Variants in LAT observed in about 807,000 individuals in gnomAD.
LAT encodes the protein linker for activation of T cells.
Under a neutral mutation model 39.1 loss-of-function variants are expected in LAT, and 12 were observed. That is an observed-to-expected ratio of 0.31 (90% CI 0.20 to 0.50). The LOEUF is 0.50. Ranked by LOEUF, LAT falls within the 20% of genes least tolerant of loss-of-function variation. The pLI, the probability that LAT is intolerant of heterozygous loss-of-function variation, is 0.98. For synonymous variants in LAT, 117 were observed against 123.8 expected (o/e 0.95, Z 0.36); for missense variants, 253 against 308.0 (o/e 0.82, Z 1.34).
chr16:28,985,289 C>T lies in LAT; in HGVS notation c.-129C>T, dbSNP rs1479018157. ...GCACAGCTGCCTCCTCCCGGGCTCC[C>T]CTGCCACCTGGTGCCTACCTGCCCC... is the stretch of plus-strand genomic sequence containing the variant. On this transcript the variant is annotated 5_prime_UTR_variant, in exon 1 of 12. Coordinates refer to ENST00000395456, the MANE Select transcript of LAT (RefSeq NM_001014987.2). The surrounding 1 kb of genome is among the most constrained non-coding windows in gnomAD (Gnocchi z 4.6). The T allele has an allele frequency of 2.0e-6, 3 of 1,481,118 alleles. No individual in the cohort carries two copies. The African/African-American group carries it at 4.2e-5, about 21-fold the overall frequency. 91.7% of individuals were successfully genotyped at this position (1,481,118 alleles called of 1,614,324 possible).
At position 28,985,833 on chromosome 16, in the gene LAT, A is replaced by G; in HGVS notation, c.129-21A>G. On this transcript the variant is annotated intron_variant, in intron 2 of 11. Transcript: ENST00000395456. This position sits in a 1 kb window ranked among gnomAD's most constrained non-coding sequence, Gnocchi z 4.6. ...TCCTCCATCTTCCAGCCCCATCCCC[A>G]AGCTGTGTCTCCTTTACCAGTTTGT... 1.9e-6 allele frequency: 3 copies of G among 1,613,974 alleles called. No homozygotes were observed. Among genetic ancestry groups the G allele is most frequent in the Non-Finnish European group, 2.5e-6 (3 of 1,179,936 alleles).
Position 28,985,450 on chromosome 16 carries a change from G to A in LAT, c.33G>A (p.Leu11=). Residue 11 remains leucine, a synonymous_variant, in exon 1 of 12, where the codon CTG becomes CTA. Transcript: ENST00000395456. The surrounding 1 kb of genome is among the most constrained non-coding windows in gnomAD (Gnocchi z 4.6). The part of the protein sequence containing the change: MEEAILVPCV[L]GLLLLPILAM... ...AGGCCATCCTGGTCCCCTGCGTGCT[G>A]GGGCTCCTGCTGCTGCCCATCCTGG... The A allele has an allele frequency of 6.2e-7, 1 of 1,613,806 alleles. No homozygotes were observed. The highest frequency in any genetic ancestry group is 8.5e-7 in the Non-Finnish European group (1 of 1,179,944).
chr16:28,989,997 G>T lies in LAT; in HGVS notation c.687G>T (p.Leu229=), dbSNP rs1441479985. The change falls in exon 11 of 12, where the codon CTG becomes CTT. Residue 229 remains leucine (L), a synonymous_variant. Transcript: ENST00000395456. ...EEEGAPDYEN[L]QELN Reference sequence around the variant, plus strand: ...AGGGGGCTCCAGATTACGAGAATCTGCAGGAGCTGAACTGAGGGCCTGGTG... The same window carrying T: ...AGGGGGCTCCAGATTACGAGAATCTTCAGGAGCTGAACTGAGGGCCTGGTG... 2 of 1,613,578 alleles carry T rather than the reference G, an allele frequency of 1.2e-6. No individual in the cohort carries two copies. The highest frequency in any genetic ancestry group is 1.7e-6 in the Non-Finnish European group (2 of 1,179,860).
At chr16:28,990,159 C>G in intron 11 of LAT, 30 bp from the exon 12 acceptor site, 2 of 740,932 alleles carry the variant, frequency 2.7e-6, no homozygotes, top group African/African-American at 1.7e-5. Flanking sequence ...CCTCCTGATC[C>G]GTATCCCTCC....
chr16:28,985,949 T>G lies in LAT; in HGVS notation c.163+61T>G, dbSNP rs41280846. On this transcript the variant is annotated intron_variant, in intron 3 of 11. Transcript: ENST00000395456. This position sits in a 1 kb window ranked among gnomAD's most constrained non-coding sequence, Gnocchi z 4.6. ...GGGAGAGGGTCCCCTGGTGTGGGAG[T>G]GAGCGTGAACCTTCAGACTTCCCCT... The G allele has an allele frequency of 5.1e-6, 8 of 1,580,438 alleles. No homozygotes were observed. Among genetic ancestry groups the G allele is most frequent in the Non-Finnish European group, 7.0e-6 (8 of 1,149,872 alleles).
intron 8 of LAT, among the ~76,000 whole-genome samples, chr16:28,987,318 A>G (rs1370407997): frequency 6.6e-6 from 1 of 152,006 alleles, no homozygotes; most frequent in African/African-American, 2.4e-5. Flanking sequence ...CTTCCACTGC[A>G]ATTTTATTTC....
In LAT at chr16:28,989,761, T is replaced by G; in HGVS notation, c.557-13T>G. 6.2e-7 allele frequency: 1 copy of G among 1,614,036 alleles called. No individual in the cohort carries two copies. The highest frequency in any genetic ancestry group is 8.5e-7 in the Non-Finnish European group (1 of 1,180,000). ...TTTGCGTGGCTGCCCCTCCTTCTGA[T>G]CTGTCCCCACAGATGGCAGCCGGGA... On this transcript the variant is annotated splice_polypyrimidine_tract_variant and intron_variant, in intron 9 of 11. Coordinates refer to ENST00000395456, the MANE Select transcript of LAT (RefSeq NM_001014987.2).
Position 28,986,255 on chromosome 16 carries a change from C to T in LAT, c.245+39C>T. 6.5e-7 allele frequency: 1 copy of T among 1,546,698 alleles called. No homozygotes were observed. ...CAGCCCCTGCCCCTCCAAAGCTCAGCCCCTCCCCCTCCAAACTCCACTCTC... is the reference window on the plus strand; with the variant it reads ...CAGCCCCTGCCCCTCCAAAGCTCAGTCCCTCCCCCTCCAAACTCCACTCTC... On this transcript the variant is annotated intron_variant, in intron 4 of 11. Transcript: ENST00000395456. The surrounding 1 kb of genome is among the most constrained non-coding windows in gnomAD (Gnocchi z 5.7).
In LAT at chr16:28,989,780, G is replaced by GC; in HGVS notation, c.565dup (p.Arg189ProfsTer16). The GC allele has an allele frequency of 1.2e-6, 2 of 1,614,124 alleles. No individual in the cohort carries two copies. The highest frequency in any genetic ancestry group is 1.7e-6 in the Non-Finnish European group (2 of 1,180,028). ...TTCTGATCTGTCCCCACAGATGGCAGCCGGGAGTATGTGAATGTGTCCCAG... is the reference window on the plus strand; with the variant it reads ...TTCTGATCTGTCCCCACAGATGGCAGCCCGGGAGTATGTGAATGTGTCCCAG... On this transcript the variant is annotated frameshift_variant, in exon 10 of 12. Transcript: ENST00000395456. LOFTEE classifies it high-confidence loss of function.
At position 28,986,756 on chromosome 16, in the gene LAT, G is replaced by T; in HGVS notation, c.398+42G>T. On this transcript the variant is annotated intron_variant, in intron 7 of 11. Transcript: ENST00000395456. The surrounding 1 kb of genome is among the most constrained non-coding windows in gnomAD (Gnocchi z 5.7). Reference sequence around the variant, plus strand: ...GAGGTGGGAGGTGAGGGCTGAGGCTGTGCGTCCCCCCTTGCTCACCGGCCC... The same window carrying T: ...GAGGTGGGAGGTGAGGGCTGAGGCTTTGCGTCCCCCCTTGCTCACCGGCCC... 1 of 1,609,438 alleles carries T rather than the reference G, an allele frequency of 6.2e-7. No individual in the cohort carries two copies. Among genetic ancestry groups the T allele is most frequent in the Non-Finnish European group, 8.5e-7 (1 of 1,176,954 alleles).
chr16:28,990,085 C>A, intron 11 of LAT, 66 bp downstream of exon 11: 1 of 1,369,214 alleles, frequency 7.3e-7, no homozygotes, highest in Non-Finnish European at 1.0e-6. Flanking sequence ...CCTCCAGGAC[C>A]CCCTTGCCCA....
chr16:28,984,922 C>G (rs1313154813), upstream of LAT: 1 of 1,544,692 alleles, frequency 6.5e-7, no homozygotes, highest in Non-Finnish European at 8.7e-7. Context: ...GGCCAGCAGA[C>G]CCTTGGTGAG....
chr16:28,987,757 C>G (rs1965790834), intron 8 of LAT: 1 of 152,034 alleles, frequency 6.6e-6, no homozygotes, highest in African/African-American at 2.4e-5. Context: ...CTCTGCTGGG[C>G]TAATGCTGTG....
Position 28,985,646 on chromosome 16 carries a change from C to A in LAT, c.101-67C>A. ...CCTGATCCCAGCGCCTCTGAGAGTC[C>A]CTGGATCCCAGCACCTTCTGCCCTA... On this transcript the variant is annotated intron_variant, in intron 1 of 11. Coordinates refer to ENST00000395456, the MANE Select transcript of LAT (RefSeq NM_001014987.2). The surrounding 1 kb of genome is among the most constrained non-coding windows in gnomAD (Gnocchi z 4.6). 1 of 1,607,302 alleles carries A rather than the reference C, an allele frequency of 6.2e-7. No individual in the cohort carries two copies. The highest frequency in any genetic ancestry group is 8.5e-7 in the Non-Finnish European group (1 of 1,174,356).
In LAT at chr16:28,986,888, T is replaced by C; in HGVS notation, c.488T>C (p.Phe163Ser). ...LSTPGIRDSAFSMESIDDYVN... is the reference protein window; with the variant it reads ...LSTPGIRDSASSMESIDDYVN... ...ACCCCTGGCATCCGAGACAGTGCCTTCTCCAGTGAGTCAGGCATTTGTTTT... is the reference window on the plus strand; with the variant it reads ...ACCCCTGGCATCCGAGACAGTGCCTCCTCCAGTGAGTCAGGCATTTGTTTT... The change falls in exon 8 of 12, where the codon TTC (phenylalanine) becomes TCC (serine). Residue 163 changes from phenylalanine to serine, a missense_variant. Physicochemically the swap from Phe to Ser is radical, Grantham distance 155. Coordinates refer to ENST00000395456, the MANE Select transcript of LAT (RefSeq NM_001014987.2). The surrounding 1 kb of genome is among the most constrained non-coding windows in gnomAD (Gnocchi z 5.7). The C allele has an allele frequency of 1.2e-6, 2 of 1,613,432 alleles. No individual in the cohort carries two copies. The highest frequency in any genetic ancestry group is 1.7e-6 in the Non-Finnish European group (2 of 1,179,492).
rs774472206 is a variant in LAT at position 28,986,478 on chromosome 16, G to A, written c.310+32G>A. On this transcript the variant is annotated intron_variant, in intron 5 of 11. Transcript: ENST00000395456. The surrounding 1 kb of genome is among the most constrained non-coding windows in gnomAD (Gnocchi z 5.7). ...GTGGGGAAGGGTTCAGGCGGCGGGG[G>A]CTGGGAAGAAGATAGGCCTGGCCTG... 1.2e-6 allele frequency: 2 copies of A among 1,613,578 alleles called. No homozygotes were observed. The highest frequency in any genetic ancestry group is 2.2e-5 in the South Asian group (2 of 91,060).
In LAT at chr16:28,986,166, A is replaced by G. The variant is rs772496335; in HGVS notation, c.195A>G (p.Pro65=). The change falls in exon 4 of 12, where the codon CCA becomes CCG. Residue 65 remains proline, a synonymous_variant. Coordinates refer to ENST00000395456, the MANE Select transcript of LAT (RefSeq NM_001014987.2). The surrounding 1 kb of genome is among the most constrained non-coding windows in gnomAD (Gnocchi z 5.7). Reference sequence around the variant, plus strand: ...TTGCCCCCTGGCCACCTGCCTACCCACCTGTCACCTCCTACCCACCCCTGA... The same window carrying G: ...TTGCCCCCTGGCCACCTGCCTACCCGCCTGTCACCTCCTACCCACCCCTGA... ...HTVAPWPPAY[P]PVTSYPPLSQ... is the part of the protein sequence containing the mutation. The G allele has an allele frequency of 2.5e-6, 4 of 1,603,490 alleles. No individual in the cohort carries two copies. The East Asian group carries it at 6.7e-5, about 27-fold the overall frequency.
At chr16:28,984,914 C>G (rs763885383), upstream of LAT, 9 of 1,545,438 alleles carry the variant, frequency 5.8e-6, no homozygotes, top group Non-Finnish European at 7.9e-6. Flanking sequence ...TTGGGGGGGG[C>G]CAGCAGACCC....
chr16:28,985,258 G>A lies in LAT; in HGVS notation c.-160G>A, dbSNP rs1039690988. The A allele has an allele frequency of 6.2e-6, 9 of 1,444,814 alleles. No homozygotes were observed. The highest frequency in any genetic ancestry group is 8.2e-6 in the Non-Finnish European group (9 of 1,102,156). 89.5% of individuals were successfully genotyped at this position (1,444,814 alleles called of 1,614,324 possible). ...GAGGGGACCCATCCCGGGAGCCCCG[G>A]GGAGGGCACAGCTGCCTCCTCCCGG... is the stretch of plus-strand genomic sequence containing the variant. On this transcript the variant is annotated 5_prime_UTR_variant, in exon 1 of 12. Transcript: ENST00000395456. This position sits in a 1 kb window ranked among gnomAD's most constrained non-coding sequence, Gnocchi z 4.6.
Sources: allele counts gnomAD v4.1 joint callset (sites outside exome capture counted in the v4.1 genomes callset), GRCh38; gene constraint gnomAD v4.1.1; non-coding constraint Gnocchi (gnomAD v3.1); transcripts MANE v1.5; gene names NCBI Gene and HGNC (gene_info 2026-07-23, HGNC 2026-07-21).